The following AFG2A variants were observed in gnomAD, a reference collection of about 807,000 sequenced individuals.
AFG2A encodes ATPase family gene 2 protein homolog A.
chr4:123,284,273 G>A, the AFG2A span, among the ~76,000 whole-genome samples: 3 of 152,110 alleles, frequency 2.0e-5, no homozygotes, highest in Non-Finnish European at 2.9e-5. Flanking sequence ...AGACACCCCC[G>A]ATTATCTAAA....
At chr4:123,290,960 T>C in the AFG2A span, among the ~76,000 whole-genome samples, 1 of 152,204 alleles carries the variant, frequency 6.6e-6, no homozygotes, top group African/African-American at 2.4e-5. Context: ...ATTTGTTTTA[T>C]GAATCTGGGA....
chr4:123,102,340 CTGT>C, the AFG2A span: 7 of 148,752 alleles, frequency 4.7e-5, no homozygotes, highest in East Asian at 1.2e-3. Flanking sequence ...GCCTTTAAGG[CTGT>C]TGTTGTGTAA....
the AFG2A span, among the ~76,000 whole-genome samples, chr4:123,016,450 C>T: frequency 7.0e-4 from 106 of 151,330 alleles, 1 homozygote; most frequent in South Asian, 6.3e-4. Flanking sequence ...GACGGGGTCG[C>T]GGCCGGGTAG....
chr4:123,233,290 C>T, the AFG2A span, among the ~76,000 whole-genome samples: 1 of 151,864 alleles, frequency 6.6e-6, no homozygotes, highest in African/African-American at 2.4e-5. Flanking sequence ...CACACACACA[C>T]ACACACACAG....
At chr4:123,215,189 A>G in the AFG2A span, among the ~76,000 whole-genome samples, 1 of 152,112 alleles carries the variant, frequency 6.6e-6, no homozygotes, top group African/African-American at 2.4e-5. Flanking sequence ...AAATACATGT[A>G]ATGATTTTTT....
the AFG2A span, among the ~76,000 whole-genome samples, chr4:123,235,291 A>G: frequency 1.3e-5 from 2 of 152,206 alleles, no homozygotes; most frequent in African/African-American, 4.8e-5. Context: ...GTTGTATACA[A>G]TATACTAATA....
the AFG2A span, among the ~76,000 whole-genome samples, chr4:123,279,419 A>C: frequency 2.0e-5 from 3 of 151,204 alleles, no homozygotes; most frequent in East Asian, 1.9e-4. Flanking sequence ...CAAAAAACAA[A>C]AAAAAAAAGC....
At chr4:123,240,511 A>G in the AFG2A span, among the ~76,000 whole-genome samples, 1 of 152,154 alleles carries the variant, frequency 6.6e-6, no homozygotes, top group Non-Finnish European at 1.5e-5. Context: ...AACTGAACAG[A>G]ACAGCCTGCC....
At chr4:122,951,407 CTG>C in the AFG2A span, among the ~76,000 whole-genome samples, 6,220 of 150,322 alleles carry the variant, frequency 0.041, 414 homozygotes, top group African/African-American at 0.14. Context: ...TAAGGGATGA[CTG>C]TATCCTATCA....
chr4:123,037,757 T>C, the AFG2A span, among the ~76,000 whole-genome samples: 1 of 152,132 alleles, frequency 6.6e-6, no homozygotes, highest in Non-Finnish European at 1.5e-5. Flanking sequence ...AATCTTGTTT[T>C]AAATTTAAAA....
chr4:123,045,471 G>A, the AFG2A span, among the ~76,000 whole-genome samples: 6 of 152,234 alleles, frequency 3.9e-5, no homozygotes, highest in South Asian at 2.1e-4. Context: ...TGTCACATCC[G>A]TGAAGATTTC....
the AFG2A span, among the ~76,000 whole-genome samples, chr4:123,015,276 A>C: frequency 6.7e-6 from 1 of 150,080 alleles, no homozygotes; most frequent in Non-Finnish European, 1.5e-5. Context: ...AGGGAGGGTC[A>C]GCAGATAAAC....
At chr4:123,216,621 G>T in the AFG2A span, among the ~76,000 whole-genome samples, 1 of 149,032 alleles carries the variant, frequency 6.7e-6, no homozygotes, top group East Asian at 1.9e-4. Flanking sequence ...CTGGAAAATT[G>T]TTCCCCAAAC....
chr4:123,260,176 C>T, the AFG2A span: 1 of 152,156 alleles, frequency 6.6e-6, no homozygotes, highest in African/African-American at 2.4e-5. Context: ...TAAAAATTTG[C>T]TTACTATAGT....
chr4:123,025,576 A>C, the AFG2A span, among the ~76,000 whole-genome samples: 25 of 152,070 alleles, frequency 1.6e-4, no homozygotes, highest in African/African-American at 5.3e-4. Context: ...AGAGGATTTG[A>C]AAGTTGTATG....
chr4:122,994,426 C>A, the AFG2A span, among the ~76,000 whole-genome samples: 4 of 152,076 alleles, frequency 2.6e-5, no homozygotes, highest in Admixed American at 2.6e-4. Context: ...TACACCATAA[C>A]AATTTTCAGT....
the AFG2A span, among the ~76,000 whole-genome samples, chr4:123,205,464 A>C: frequency 1.3e-5 from 2 of 152,354 alleles, no homozygotes; most frequent in Admixed American, 1.3e-4. Context: ...AAAAACAGTA[A>C]AAAATAATGC....
chr4:123,236,685 G>T, the AFG2A span, among the ~76,000 whole-genome samples: 2 of 152,118 alleles, frequency 1.3e-5, no homozygotes, highest in Admixed American at 1.3e-4. Context: ...GACTGTCCAC[G>T]TTCACCTATG....
At chr4:123,255,406 A>G in the AFG2A span, among the ~76,000 whole-genome samples, 1 of 151,960 alleles carries the variant, frequency 6.6e-6, no homozygotes, top group Non-Finnish European at 1.5e-5. Context: ...AGTCCCAGCC[A>G]CTAGGGAGGC....
Sources: gnomAD v4.1 joint callset for allele counts (sites outside exome capture counted in the v4.1 genomes callset) on GRCh38, gnomAD v4.1.1 for gene constraint, MANE v1.5 for transcripts, NCBI Gene and HGNC (gene_info 2026-07-23, HGNC 2026-07-21) for gene names.